DGCR2: variants seen among roughly 807,000 people sequenced by gnomAD.
The protein encoded by DGCR2 is integral membrane protein DGCR2/IDD.
DGCR2 carries 24 observed loss-of-function variants against 51.6 expected under a neutral mutation model. That is an observed-to-expected ratio of 0.47 (90% confidence interval 0.34 to 0.65). DGCR2 has a LOEUF of 0.65. DGCR2 is among the 30% of genes least tolerant of loss of function. DGCR2 has a pLI of 0.01. For missense variants in DGCR2, 765 were observed against 772.1 expected (o/e 0.99, Z 0.11); for synonymous variants, 340 against 315.4 (o/e 1.08, Z -0.82).
At chr22:19,108,030 G>A (rs1007869906) in intron 1 of DGCR2, among the ~76,000 whole-genome samples, 1 of 152,098 alleles carries the variant, frequency 6.6e-6, no homozygotes, top group Non-Finnish European at 1.5e-5. Flanking sequence ...CTCCTTCCAT[G>A]AACACCGCCG....
In DGCR2 at chr22:19,048,475, G is replaced by T; in HGVS notation, c.971C>A (p.Pro324His). 1 of 1,614,178 alleles carries T rather than the reference G, an allele frequency of 6.2e-7. No homozygotes were observed. Among genetic ancestry groups the T allele is most frequent in the Non-Finnish European group, 8.5e-7 (1 of 1,180,030 alleles). The change falls in exon 7 of 10, where the codon CCC becomes CAC. Residue 324 changes from proline (P) to histidine (H), a missense_variant. By Grantham distance (77) the Pro-to-His change is moderately conservative (BLOSUM62 -2). Around this residue, in one of 3 missense-constraint regions of DGCR2, gnomAD observed 190 missense variants for 265.2 expected, o/e 0.72. Coordinates refer to ENST00000263196, the MANE Select transcript of DGCR2 (RefSeq NM_005137.3). ...ACACATGAACTTGCAGCACTCTTTG[G>T]GGTCCTTGCGGTACTGTTGGCAGCC... is the stretch of plus-strand genomic sequence containing the variant. ...PQGCQQYRKDPKECCKFMCLD... is the reference protein window; with the variant it reads ...PQGCQQYRKDHKECCKFMCLD...
At chr22:19,043,332 C>T (rs58564770) in intron 7 of DGCR2, among the ~76,000 whole-genome samples, 2,496 of 152,332 alleles carry the variant, frequency 0.016, 90 homozygotes, top group East Asian at 0.061. Context: ...CCAAGAGGGA[C>T]ACACCCTGCC....
chr22:19,048,465 G>A lies in DGCR2; in HGVS notation c.981C>T (p.Cys327=). ...CTGGGTCCAGACACATGAACTTGCA[G>A]CACTCTTTGGGGTCCTTGCGGTACT... The part of the protein sequence containing the change: ...CQQYRKDPKE[C]CKFMCLDPDG... The change falls in exon 7 of 10, where the codon TGC becomes TGT. Residue 327 remains cysteine (C), a synonymous_variant. Coordinates refer to ENST00000263196, the MANE Select transcript of DGCR2 (RefSeq NM_005137.3). 2 of 1,614,204 alleles carry A rather than the reference G, an allele frequency of 1.2e-6. No individual in the cohort carries two copies. The highest frequency in any genetic ancestry group is 1.7e-6 in the Non-Finnish European group (2 of 1,180,036).
chr22:19,059,747 C>T (rs1219742031), intron 5 of DGCR2, among the ~76,000 whole-genome samples: 1 of 152,100 alleles, frequency 6.6e-6, no homozygotes, highest in Non-Finnish European at 1.5e-5. Context: ...CACCAGCCAC[C>T]GGAGGACACC....
intron 2 of DGCR2, among the ~76,000 whole-genome samples, chr22:19,079,900 T>G (rs2082917650): frequency 6.6e-6 from 1 of 152,262 alleles, no homozygotes; most frequent in Non-Finnish European, 1.5e-5. Context: ...TTCTTCTAGA[T>G]CTGGTCAGCA....
At position 19,101,069 on chromosome 22, in the gene DGCR2, C is replaced by T. The variant is rs146801489; in HGVS notation, c.80-11579G>A. ...TCCTTTGCAGTGAGCCGAGACTGCG[C>T]CATTGTACTCCAGCCTGGGCATCAC... On this transcript the variant is annotated intron_variant, in intron 1 of 9. Transcript: ENST00000263196. 1.4e-4 allele frequency among the ~76,000 whole-genome samples: 22 copies of T among 152,254 alleles called. No individual in the cohort carries two copies. The East Asian group carries it at 4.2e-3, about 29-fold the overall frequency.
chr22:19,120,286 C>A (rs117290908), intron 1 of DGCR2, among the ~76,000 whole-genome samples: 1 of 152,180 alleles, frequency 6.6e-6, no homozygotes, highest in Admixed American at 6.5e-5. Flanking sequence ...TGCCCTACTC[C>A]GACCTCAGTG....
At chr22:19,089,617 T>A in intron 1 of DGCR2, 127 bp from the exon 2 acceptor site, 1 of 1,136,780 alleles carries the variant, frequency 8.8e-7, no homozygotes, top group East Asian at 3.2e-5. Flanking sequence ...TCTCATTCTG[T>A]CACCCAGGCT....
At chr22:19,097,810 G>T (rs2083158628) in intron 1 of DGCR2, among the ~76,000 whole-genome samples, 1 of 152,172 alleles carries the variant, frequency 6.6e-6, no homozygotes, top group African/African-American at 2.4e-5. Flanking sequence ...GAGTCTGTAA[G>T]GTGATGGGAG....
intron 2 of DGCR2, among the ~76,000 whole-genome samples, chr22:19,080,417 G>T (rs1021900531): frequency 6.6e-6 from 1 of 152,186 alleles, no homozygotes. Flanking sequence ...GTATTCATGG[G>T]ATGTTTTACA....
intron 2 of DGCR2, among the ~76,000 whole-genome samples, chr22:19,084,061 G>C (rs1156767029): frequency 6.6e-6 from 1 of 151,984 alleles, no homozygotes; most frequent in Admixed American, 6.5e-5. Context: ...GCGTGATCTC[G>C]GCTCGCTACA....
At chr22:19,113,753 A>G (rs1469307044) in intron 1 of DGCR2, among the ~76,000 whole-genome samples, 2 of 152,190 alleles carry the variant, frequency 1.3e-5, no homozygotes, top group East Asian at 1.9e-4. Flanking sequence ...CAAAGTAAAA[A>G]GATTTCTAAA....
chr22:19,039,747 TAAA>T (rs1278313072), intron 9 of DGCR2, among the ~76,000 whole-genome samples: 1 of 152,138 alleles, frequency 6.6e-6, no homozygotes, highest in Non-Finnish European at 1.5e-5. Context: ...GACAGGATCT[TAAA>T]AGATTGCACA....
intron 1 of DGCR2, among the ~76,000 whole-genome samples, chr22:19,099,960 A>G (rs1250310242): frequency 1.5e-5 from 2 of 134,766 alleles, no homozygotes; most frequent in Admixed American, 7.5e-5. Flanking sequence ...ACAGAGCAAG[A>G]TTCTGTCTTT....
intron 1 of DGCR2, among the ~76,000 whole-genome samples, chr22:19,109,052 T>A (rs910835394): frequency 6.6e-6 from 1 of 151,586 alleles, no homozygotes; most frequent in Non-Finnish European, 1.5e-5. Flanking sequence ...AAAAAAAACC[T>A]CCTTAATCAT....
intron 1 of DGCR2, among the ~76,000 whole-genome samples, chr22:19,105,772 A>T (rs1207881556): frequency 1.3e-5 from 2 of 152,184 alleles, no homozygotes; most frequent in Non-Finnish European, 2.9e-5. Flanking sequence ...CTGGCATTCC[A>T]AACAGTGCAC....
intron 2 of DGCR2, among the ~76,000 whole-genome samples, chr22:19,074,739 G>GT (rs1252843947): frequency 6.6e-6 from 1 of 152,052 alleles, no homozygotes; most frequent in Non-Finnish European, 1.5e-5. Context: ...CTTGAATAAA[G>GT]ATAAAACTAA....
chr22:19,054,813 G>C (rs1167911925), intron 6 of DGCR2, among the ~76,000 whole-genome samples: 1 of 151,510 alleles, frequency 6.6e-6, no homozygotes, highest in Admixed American at 6.6e-5. Flanking sequence ...CTTCTTAAAA[G>C]AGTTTCAGGC....
At chr22:19,108,769 C>A (rs1195958830) in intron 1 of DGCR2, among the ~76,000 whole-genome samples, 1 of 151,710 alleles carries the variant, frequency 6.6e-6, no homozygotes, top group Non-Finnish European at 1.5e-5. Context: ...AGAAAATGAA[C>A]CTCACACTTT....
Sources: gnomAD v4.1 joint callset for allele counts (sites outside exome capture counted in the v4.1 genomes callset) on GRCh38, gnomAD v4.1.1 for gene constraint, gnomAD v4.1.1 regional missense constraint, MANE v1.5 for transcripts, NCBI Gene and HGNC (gene_info 2026-07-23, HGNC 2026-07-21) for gene names.